INTS6: variants seen among roughly 807,000 people sequenced by gnomAD.
INTS6 encodes integrator complex subunit 6.
In INTS6, 16 loss-of-function variants were observed where a neutral mutation model predicts 104.9. The ratio of observed to expected loss-of-function variants is 0.15; its 90% CI spans 0.10 to 0.23. The LOEUF (loss-of-function observed/expected upper bound fraction) is 0.23. INTS6 is among the 10% of genes least tolerant of loss of function. The pLI, the probability that INTS6 is intolerant of heterozygous loss-of-function variation, is 1.00. For missense variants in INTS6, 584 were observed against 1,062.8 expected, an observed-to-expected ratio of 0.55 and a Z score of 6.26; for synonymous variants, 324 against 358.7, an observed-to-expected ratio of 0.90 and a Z score of 1.09.
chr13:51,338,337 T>C, the INTS6 span, among the ~76,000 whole-genome samples: 6 of 152,100 alleles, frequency 3.9e-5, no homozygotes, highest in African/African-American at 4.8e-5. Context: ...CTAAGTCCCA[T>C]AGAAGCTGAG....
At chr13:51,421,939 CAT>C (rs1270536937) in intron 4 of INTS6, among the ~76,000 whole-genome samples, 1 of 152,042 alleles carries the variant, frequency 6.6e-6, no homozygotes, top group African/African-American at 2.4e-5. Flanking sequence ...ATGTTCATAT[CAT>C]ATGTCCTTAA....
chr13:51,421,628 G>C (rs1026070477), intron 4 of INTS6, among the ~76,000 whole-genome samples: 1 of 152,054 alleles, frequency 6.6e-6, no homozygotes, highest in Non-Finnish European at 1.5e-5. Context: ...AGCTAAATAA[G>C]TATTATCAAG....
intron 4 of INTS6, among the ~76,000 whole-genome samples, chr13:51,424,685 T>G (rs527709898): frequency 6.6e-6 from 1 of 152,162 alleles, no homozygotes; most frequent in South Asian, 2.1e-4. Flanking sequence ...TATGCATGTA[T>G]TTAGAACATC....
chr13:51,365,940 G>T, intron 17 of INTS6, 95 bp from the exon 18 acceptor site: 1 of 615,426 alleles, frequency 1.6e-6, no homozygotes, highest in Non-Finnish European at 2.7e-6. Flanking sequence ...ATTTTGGGAA[G>T]ATTTTTCAAA....
chr13:51,374,934 T>C, intron 13 of INTS6, 138 bp from the exon 14 acceptor site: 1 of 811,392 alleles, frequency 1.2e-6, no homozygotes, highest in Non-Finnish European at 1.8e-6. Flanking sequence ...TTTGGTGCAA[T>C]TATAACCACT....
At chr13:51,347,188 C>T in the INTS6 span, 8 of 1,613,970 alleles carry the variant, frequency 5.0e-6, no homozygotes, top group African/African-American at 1.3e-5. Flanking sequence ...CCTATGGCCT[C>T]GTCCTTCAGG....
intron 4 of INTS6, among the ~76,000 whole-genome samples, chr13:51,408,016 C>CA (rs558667282): frequency 0.053 from 3,554 of 66,760 alleles, 75 homozygotes; most frequent in East Asian, 0.14. Context: ...GACTCGGTCT[C>CA]AAAAAAAAAA....
intron 15 of INTS6, among the ~76,000 whole-genome samples, chr13:51,370,711 A>G (rs1343571080): frequency 2.6e-5 from 4 of 152,136 alleles, no homozygotes; most frequent in African/African-American, 9.7e-5. Context: ...CTGCTTGCAA[A>G]AAGTATACAG....
At chr13:51,344,515 C>A in the INTS6 span, 7 of 1,515,130 alleles carry the variant, frequency 4.6e-6, no homozygotes, top group Non-Finnish European at 5.4e-6. Context: ...TTCAACAAGG[C>A]TAAGGCAGAG....
chr13:51,389,549 A>G (rs1341501211), intron 5 of INTS6, 105 bp from the exon 6 acceptor site: 2 of 1,113,836 alleles, frequency 1.8e-6, no homozygotes, highest in East Asian at 2.8e-5. Context: ...GGGGTTTCTG[A>G]CAGTACTAAT....
downstream of INTS6, among the ~76,000 whole-genome samples, chr13:51,349,734 GAA>G (rs1213874984): frequency 6.6e-6 from 1 of 152,138 alleles, no homozygotes; most frequent in East Asian, 1.9e-4. Context: ...TTTGAAAACT[GAA>G]AAACACTGGC....
intron 4 of INTS6, among the ~76,000 whole-genome samples, chr13:51,422,254 C>A (rs900218039): frequency 2.0e-5 from 3 of 152,040 alleles, no homozygotes; most frequent in African/African-American, 4.8e-5. Context: ...ACCAAATATC[C>A]ACATAGATGC....
At chr13:51,417,144 C>A (rs575715954) in intron 4 of INTS6, among the ~76,000 whole-genome samples, 44 of 152,230 alleles carry the variant, frequency 2.9e-4, no homozygotes, top group African/African-American at 1.0e-3. Context: ...AAATGATTTG[C>A]AAATATTTTC....
intron 3 of INTS6, chr13:51,440,378 T>C (rs558950278): frequency 8.5e-5 from 13 of 152,208 alleles, no homozygotes; most frequent in Admixed American, 8.5e-4. Context: ...TTAAAAAGTT[T>C]TAAAACTTTA....
chr13:51,451,935 C>A (rs758008671), intron 2 of INTS6, 43 bp downstream of exon 2: 10 of 1,482,728 alleles, frequency 6.7e-6, no homozygotes, highest in Non-Finnish European at 9.3e-6. Flanking sequence ...GAGGAAGGAA[C>A]AGGGAAGGGA....
At chr13:51,344,377 G>A in the INTS6 span, 2 of 1,613,148 alleles carry the variant, frequency 1.2e-6, no homozygotes, top group Non-Finnish European at 1.7e-6. Context: ...CCCCTGCTTT[G>A]TGGAGCACGT....
At chr13:51,372,351 T>C (rs553435516) in intron 15 of INTS6, among the ~76,000 whole-genome samples, 1 of 152,080 alleles carries the variant, frequency 6.6e-6, no homozygotes, top group East Asian at 1.9e-4. Flanking sequence ...CCCACTCAAT[T>C]ATCTTGCCCT....
the INTS6 span, among the ~76,000 whole-genome samples, chr13:51,336,820 C>T: frequency 1.3e-5 from 2 of 152,226 alleles, no homozygotes; most frequent in African/African-American, 4.8e-5. Context: ...GCCCACTGTG[C>T]TCTCTCCAGC....
chr13:51,340,129 G>C, the INTS6 span, among the ~76,000 whole-genome samples: 1 of 152,308 alleles, frequency 6.6e-6, no homozygotes, highest in East Asian at 1.9e-4. Flanking sequence ...GAGTGTGAGC[G>C]TGAGTAGCAG....
Sources: allele counts gnomAD v4.1 joint callset (sites outside exome capture counted in the v4.1 genomes callset), GRCh38; gene constraint gnomAD v4.1.1; transcripts MANE v1.5; gene names NCBI Gene and HGNC (gene_info 2026-07-23, HGNC 2026-07-21).